Variants in KIF11 observed in about 807,000 individuals in gnomAD.
KIF11 encodes kinesin-like protein KIF11.
Under a neutral mutation model 121.0 loss-of-function variants are expected in KIF11, and 9 were observed. The ratio of observed to expected loss-of-function variants is 0.07; its 90% CI spans 0.04 to 0.13. The LOEUF is 0.13. Among genes scored for constraint, KIF11 ranks in the 10% least tolerant of loss-of-function variants. KIF11 has a pLI of 1.00. For missense variants in KIF11, 846 were observed against 1,217.5 expected (o/e 0.69, Z 4.54); for synonymous variants, 408 against 421.0 (o/e 0.97, Z 0.38).
intron 18 of KIF11, among the ~76,000 whole-genome samples, chr10:92,647,895 G>A (rs1346151110): frequency 1.3e-5 from 2 of 152,062 alleles, no homozygotes; most frequent in South Asian, 4.1e-4. Flanking sequence ...GATTGCTTGA[G>A]CCCAGGAGTT....
At chr10:92,612,678 G>A (rs1269421178) in intron 6 of KIF11, among the ~76,000 whole-genome samples, 1 of 152,130 alleles carries the variant, frequency 6.6e-6, no homozygotes, top group Non-Finnish European at 1.5e-5. Context: ...TGAATTTATG[G>A]TAATGACATA....
chr10:92,609,623 G>A, intron 6 of KIF11, 114 bp downstream of exon 6: 1 of 920,702 alleles, frequency 1.1e-6, no homozygotes, highest in Non-Finnish European at 1.6e-6. Flanking sequence ...CCTAGAGTTT[G>A]TGTTATAAGG....
At chr10:92,625,085 G>C (rs939520018) in intron 10 of KIF11, among the ~76,000 whole-genome samples, 2 of 151,946 alleles carry the variant, frequency 1.3e-5, no homozygotes, top group South Asian at 2.1e-4. Context: ...TCTGTTTTAA[G>C]TTCTTTGAGA....
chr10:92,641,248 A>C (rs776052288), intron 17 of KIF11, among the ~76,000 whole-genome samples: 1 of 152,200 alleles, frequency 6.6e-6, no homozygotes, highest in Non-Finnish European at 1.5e-5. Context: ...TGAGTATTCT[A>C]TACTCATGAG....
chr10:92,609,593 C>G lies in KIF11; in HGVS notation c.698+84C>G, dbSNP rs528189264. ...TGGAGAAAGTCAAATTGGGGTGGGT[C>G]AGGGTATGTGGGTCACGTACCTAGA... On this transcript the variant is annotated intron_variant, in intron 6 of 21. Coordinates refer to ENST00000260731, the MANE Select transcript of KIF11 (RefSeq NM_004523.4). 9.3e-6 allele frequency: 13 copies of G among 1,391,900 alleles called. No individual in the cohort carries two copies. The South Asian group carries it at 1.2e-4, about 13-fold the overall frequency. The allele number at this position is 1,391,900 out of a possible 1,614,324, so 86.2% of individuals were successfully genotyped here. A position where few individuals can be genotyped will look rare whatever the true frequency, so the allele number is the denominator to read the frequency against.
At chr10:92,597,795 G>A (rs1844316702) in intron 1 of KIF11, among the ~76,000 whole-genome samples, 1 of 151,834 alleles carries the variant, frequency 6.6e-6, no homozygotes, top group Non-Finnish European at 1.5e-5. Context: ...GGGATTACAG[G>A]CATGCGCCAC....
intron 4 of KIF11, 96 bp from the exon 5 acceptor site, chr10:92,608,924 A>G (rs1844461432): frequency 1.6e-6 from 1 of 640,610 alleles, no homozygotes; most frequent in Non-Finnish European, 2.5e-6. Context: ...GCTTTGCCAT[A>G]CTTATGTTTA....
chr10:92,599,742 T>C (rs1384664867), intron 1 of KIF11, among the ~76,000 whole-genome samples: 1 of 144,242 alleles, frequency 6.9e-6, no homozygotes, highest in Non-Finnish European at 1.5e-5. Context: ...AACCTCTACC[T>C]CCCAGGTTCA....
intron 1 of KIF11, among the ~76,000 whole-genome samples, chr10:92,597,950 A>AT (rs112204932): frequency 0.11 from 16,196 of 148,206 alleles, 1,008 homozygotes; most frequent in South Asian, 0.17. Flanking sequence ...TGCCTGGGCT[A>AT]TTTTTTTTTT....
rs564390690 is a variant in KIF11, at chr10:92,619,337, AAGT to A, written c.1129-2041_1129-2039del. Among the ~76,000 whole-genome samples the A allele has an allele frequency of 3.6e-3, 546 of 152,162 alleles. 2 individuals are homozygous for A. Among genetic ancestry groups the A allele is most frequent in the Non-Finnish European group, 4.4e-3 (298 of 68,004 alleles). ...CAGCAGATCTTTCTTTTTTAGTACT[AAGT>A]AGTAGTCCATGGTGAGTATGTACCA... On this transcript the variant is annotated intron_variant, in intron 9 of 21. Coordinates refer to ENST00000260731, the MANE Select transcript of KIF11 (RefSeq NM_004523.4).
In KIF11 at chr10:92,613,222, C is replaced by G; in HGVS notation, c.789+92C>G. 1.7e-6 allele frequency: 2 copies of G among 1,146,146 alleles called. No homozygotes were observed. Among genetic ancestry groups the G allele is most frequent in the Non-Finnish European group, 2.5e-6 (2 of 802,324 alleles). The allele number at this position is 1,146,146 out of a possible 1,614,324, so 71.0% of individuals were successfully genotyped here. ...CCTTGAGACAAAATTTTTGTGGTCA[C>G]TGGGTGATTAGCTTTGTAGTGGGAG... On this transcript the variant is annotated intron_variant, in intron 7 of 21. Coordinates refer to ENST00000260731, the MANE Select transcript of KIF11 (RefSeq NM_004523.4). The surrounding 1 kb of genome is among the most constrained non-coding windows in gnomAD (Gnocchi z 4.2).
chr10:92,639,705 G>T, intron 16 of KIF11, 89 bp from the exon 17 acceptor site: 1 of 713,894 alleles, frequency 1.4e-6, no homozygotes, highest in East Asian at 2.6e-5. Flanking sequence ...TCTCACCTAT[G>T]GACAATACTT....
At chr10:92,601,708 A>AT (rs35982149) in intron 1 of KIF11, among the ~76,000 whole-genome samples, 5,197 of 141,960 alleles carry the variant, frequency 0.037, 149 homozygotes, top group African/African-American at 0.073. Context: ...TAAAAAAATA[A>AT]TTTTTTTTTT....
At chr10:92,602,968 T>C (rs956884555) in intron 1 of KIF11, among the ~76,000 whole-genome samples, 1 of 151,328 alleles carries the variant, frequency 6.6e-6, no homozygotes, top group East Asian at 2.0e-4. Context: ...GATTCTCCTG[T>C]CTCAGCCTCC....
chr10:92,648,235 T>G lies in KIF11; in HGVS notation c.2571T>G (p.Ala857=), dbSNP rs768903612. The change falls in exon 19 of 22, where the codon GCT becomes GCG. Residue 857 remains alanine, a synonymous_variant. Coordinates refer to ENST00000260731, the MANE Select transcript of KIF11 (RefSeq NM_004523.4). ...LLEVVSQCCE[A]SSSDITEKSD... ...AGGTTGTAAGCCAATGTTGTGAGGC[T>G]TCAAGTTCAGACATCACTGAGAAAT... 1 of 1,610,150 alleles carries G rather than the reference T, an allele frequency of 6.2e-7. No individual in the cohort carries two copies. The highest frequency in any genetic ancestry group is 8.5e-7 in the Non-Finnish European group (1 of 1,178,382).
chr10:92,627,577 T>C (rs1573051), intron 10 of KIF11, among the ~76,000 whole-genome samples: 47,174 of 152,090 alleles, frequency 0.31, 8,252 homozygotes, highest in East Asian at 0.67. Flanking sequence ...TTCTTTTATG[T>C]TTTTCTTTCC....
intron 16 of KIF11, among the ~76,000 whole-genome samples, 195 bp from the exon 17 acceptor site, chr10:92,639,599 A>G (rs1434438702): frequency 6.6e-6 from 1 of 152,136 alleles, no homozygotes. Flanking sequence ...TCTCTAAAAA[A>G]AAAAACAAAT....
rs1319622960 is a variant in KIF11, at chr10:92,654,561, AT to A, written c.*770del. ...TCCTCGGCTCACTTTCTCCCTTTTTATTTTTCACCAAACCATTTGTAGAGCT... is the reference window on the plus strand; with the variant it reads ...TCCTCGGCTCACTTTCTCCCTTTTTATTTTCACCAAACCATTTGTAGAGCT... On this transcript the variant is annotated 3_prime_UTR_variant, in exon 22 of 22. Transcript: ENST00000260731. 6.6e-6 allele frequency: 1 copy of A among 151,312 alleles called. No individual in the cohort carries two copies. The highest frequency in any genetic ancestry group is 1.5e-5 in the Non-Finnish European group (1 of 67,836). The allele number at this position is 151,312 out of a possible 1,614,324, so 9.4% of individuals were successfully genotyped here. A position where few individuals can be genotyped will look rare whatever the true frequency, so the allele number is the denominator to read the frequency against.
At chr10:92,603,575 C>G (rs1844399205) in intron 1 of KIF11, among the ~76,000 whole-genome samples, 1 of 152,140 alleles carries the variant, frequency 6.6e-6, no homozygotes, top group Non-Finnish European at 1.5e-5. Flanking sequence ...TAGTTTCGAA[C>G]TTCTGACCTC....
Sources: allele counts gnomAD v4.1 joint callset (sites outside exome capture counted in the v4.1 genomes callset), GRCh38; gene constraint gnomAD v4.1.1; non-coding constraint Gnocchi (gnomAD v3.1); transcripts MANE v1.5; gene names NCBI Gene and HGNC (gene_info 2026-07-23, HGNC 2026-07-21).